Variants in RPP30 observed in about 807,000 individuals in gnomAD.
RPP30 encodes the protein ribonuclease P/MRP subunit p30.
Under a neutral mutation model 38.6 loss-of-function variants are expected in RPP30, and 36 were observed. The observed-to-expected ratio is 0.93, with a 90% CI of 0.71 to 1.23. RPP30 has a LOEUF of 1.23. RPP30 is among the 50% of genes most tolerant of loss of function. The pLI, the probability that RPP30 is intolerant of heterozygous loss-of-function variation, is 0.00. For synonymous variants in RPP30, 126 were observed against 112.7 expected, an observed-to-expected ratio of 1.12 and a Z score of -0.75; for missense variants, 321 against 321.7, an observed-to-expected ratio of 1.00 and a Z score of 0.02.
downstream of RPP30, among the ~76,000 whole-genome samples, chr10:90,903,754 A>G (rs1384525449): frequency 6.6e-6 from 1 of 152,218 alleles, no homozygotes; most frequent in Non-Finnish European, 1.5e-5. Context: ...GGCCAATTGT[A>G]TAAATACACA....
At chr10:90,895,824 C>A in intron 8 of RPP30, 56 bp from the exon 9 acceptor site, 1 of 1,247,808 alleles carries the variant, frequency 8.0e-7, no homozygotes, top group South Asian at 1.4e-5. Context: ...TGCTATAAGT[C>A]ATTGAAATGT....
At chr10:90,895,796 T>G in intron 8 of RPP30, 84 bp from the exon 9 acceptor site, 1 of 975,030 alleles carries the variant, frequency 1.0e-6, no homozygotes, top group Non-Finnish European at 1.5e-6. Context: ...TTTTGGATAC[T>G]TAAATTTTCT....
chr10:90,902,997 AT>A, downstream of RPP30, among the ~76,000 whole-genome samples: 1 of 152,164 alleles, frequency 6.6e-6, no homozygotes, highest in Non-Finnish European at 1.5e-5. Flanking sequence ...AAATATGAAA[AT>A]TGATGAGCTA....
At chr10:90,888,596 G>A (rs959739924) in intron 6 of RPP30, among the ~76,000 whole-genome samples, 1 of 152,068 alleles carries the variant, frequency 6.6e-6, no homozygotes, top group Non-Finnish European at 1.5e-5. Flanking sequence ...TCTGCTCGTT[G>A]TTAGTCACCA....
At chr10:90,885,711 C>A in intron 5 of RPP30, 101 bp from the exon 6 acceptor site, 1 of 718,506 alleles carries the variant, frequency 1.4e-6, no homozygotes, top group Non-Finnish European at 2.4e-6. Context: ...ATCAAAACAC[C>A]TATGGAGTGA....
At chr10:90,887,734 C>G (rs1847020239) in intron 6 of RPP30, among the ~76,000 whole-genome samples, 1 of 152,064 alleles carries the variant, frequency 6.6e-6, no homozygotes, top group South Asian at 2.1e-4. Context: ...TGGCTGAGCT[C>G]AAATCATTGG....
At chr10:90,902,728 T>C (rs1847217673), downstream of RPP30, among the ~76,000 whole-genome samples, 1 of 152,196 alleles carries the variant, frequency 6.6e-6, no homozygotes, top group Non-Finnish European at 1.5e-5. Flanking sequence ...TATGTGTCTG[T>C]TTTTTGTGTA....
At chr10:90,897,070 T>A (rs1482118111) in intron 10 of RPP30, among the ~76,000 whole-genome samples, 1 of 152,190 alleles carries the variant, frequency 6.6e-6, no homozygotes, top group Admixed American at 6.5e-5. Flanking sequence ...GTACATTTTT[T>A]ACTCACATTT....
downstream of RPP30, among the ~76,000 whole-genome samples, chr10:90,905,053 CA>C (rs921012681): frequency 6.6e-6 from 1 of 152,108 alleles, no homozygotes; most frequent in Non-Finnish European, 1.5e-5. Context: ...ACCTGCCGAG[CA>C]TGGTCATCAA....
chr10:90,898,575 G>C (rs751269296), intron 10 of RPP30, among the ~76,000 whole-genome samples: 16 of 152,200 alleles, frequency 1.1e-4, no homozygotes, highest in Admixed American at 2.6e-4. Flanking sequence ...AAGGACAGCA[G>C]TGCACTGAAA....
intron 1 of RPP30, among the ~76,000 whole-genome samples, chr10:90,873,189 G>T (rs1191934882): frequency 6.6e-6 from 1 of 152,112 alleles, no homozygotes; most frequent in Non-Finnish European, 1.5e-5. Flanking sequence ...CAGTTACTCA[G>T]TTAATGCTTG....
rs1846841556 is a variant in RPP30, at chr10:90,875,635, G to A, written c.195+21G>A. 3 of 1,594,026 alleles carry A rather than the reference G, an allele frequency of 1.9e-6. No individual in the cohort carries two copies. The Admixed American group carries it at 5.0e-5, about 27-fold the overall frequency. On this transcript the variant is annotated intron_variant, in intron 3 of 10. Transcript: ENST00000371703. ...TACAGGTAGGTGTTTTGTTGTTTAC[G>A]AAGCATAATATCTATTTATTCAGTT...
intron 1 of RPP30, among the ~76,000 whole-genome samples, chr10:90,874,281 A>G (rs1484277477): frequency 3.9e-5 from 6 of 152,202 alleles, no homozygotes; most frequent in African/African-American, 1.4e-4. Flanking sequence ...GACCTCAAGG[A>G]GCTCCCAGTC....
In RPP30 at chr10:90,875,562, T is replaced by C; in HGVS notation, c.143T>C (p.Ile48Thr). 3.1e-6 allele frequency: 5 copies of C among 1,613,290 alleles called. No homozygotes were observed. Among genetic ancestry groups the C allele is most frequent in the Non-Finnish European group, 4.2e-6 (5 of 1,179,380 alleles). The change falls in exon 3 of 11, where the codon ATT (isoleucine) becomes ACT (threonine). Residue 48 changes from isoleucine to threonine, a missense_variant. Physicochemically the swap from Ile to Thr is moderately conservative, Grantham distance 89 (BLOSUM62 -1). Transcript: ENST00000371703. Reference sequence around the variant, plus strand: ...ACTATTTATCGTTTGTTGTAGGAAATTGAAAAACCAGTAGCTGTTTCTGAA... The same window carrying C: ...ACTATTTATCGTTTGTTGTAGGAAACTGAAAAACCAGTAGCTGTTTCTGAA... ...IVDFKEKKQE[I>T]EKPVAVSELF... is the part of the protein sequence containing the mutation.
intron 4 of RPP30, 149 bp from the exon 5 acceptor site, chr10:90,878,914 T>A: frequency 1.6e-6 from 1 of 620,880 alleles, no homozygotes; most frequent in Non-Finnish European, 2.8e-6. Flanking sequence ...TGTGCTTATG[T>A]CTTTTCTGCC....
At chr10:90,879,245 G>A (rs1846892404) in intron 5 of RPP30, 111 bp downstream of exon 5, 1 of 782,592 alleles carries the variant, frequency 1.3e-6, no homozygotes, top group Non-Finnish European at 2.1e-6. Context: ...TTTAGGATTT[G>A]TTATTTATAC....
chr10:90,894,695 G>A (rs1847119545), intron 6 of RPP30, 80 bp from the exon 7 acceptor site: 1 of 965,952 alleles, frequency 1.0e-6, no homozygotes, highest in Non-Finnish European at 1.7e-6. Context: ...GAGTGAGGAG[G>A]GATGTGAAGA....
downstream of RPP30, among the ~76,000 whole-genome samples, chr10:90,902,588 ATATTTT>A (rs1182488596): frequency 1.3e-5 from 2 of 152,178 alleles, no homozygotes; most frequent in African/African-American, 4.8e-5. Context: ...AAAAATCAGA[ATATTTT>A]TAATAGATGC....
chr10:90,880,766 G>C (rs1178278101), intron 5 of RPP30, among the ~76,000 whole-genome samples: 2 of 152,110 alleles, frequency 1.3e-5, no homozygotes, highest in African/African-American at 4.8e-5. Context: ...CAAGAATTTT[G>C]TTTTAGTTAA....
Sources: allele counts gnomAD v4.1 joint callset (sites outside exome capture counted in the v4.1 genomes callset), GRCh38; gene constraint gnomAD v4.1.1; transcripts MANE v1.5; gene names NCBI Gene and HGNC (gene_info 2026-07-23, HGNC 2026-07-21).